VWA8: variants seen among roughly 807,000 people sequenced by gnomAD.
VWA8 encodes the protein von Willebrand factor A domain containing 8.
VWA8 carries 221 observed loss-of-function variants against 241.5 expected under a neutral mutation model. The observed-to-expected ratio is 0.91, with a 90% CI of 0.82 to 1.02. The LOEUF is 1.02. VWA8 is among the 50% of genes least tolerant of loss of function. VWA8 has a pLI of 0.00. For missense variants in VWA8, 2,322 were observed against 2,328.7 expected, an observed-to-expected ratio of 1.00 and a Z score of 0.06; for synonymous variants, 852 against 827.1, an observed-to-expected ratio of 1.03 and a Z score of -0.52.
At chr13:41,872,783 A>G (rs915772726) in intron 9 of VWA8, among the ~76,000 whole-genome samples, 4 of 152,134 alleles carry the variant, frequency 2.6e-5, no homozygotes, top group East Asian at 1.9e-4. Context: ...TTGACTTGGC[A>G]ATGTGGGCCC....
intron 17 of VWA8, among the ~76,000 whole-genome samples, chr13:41,794,806 T>A (rs1869617213): frequency 6.6e-6 from 1 of 152,070 alleles, no homozygotes; most frequent in Non-Finnish European, 1.5e-5. Flanking sequence ...TAACTAAAGA[T>A]GGATTAACAA....
chr13:41,846,624 C>A (rs1231372281), intron 12 of VWA8, among the ~76,000 whole-genome samples: 2 of 152,168 alleles, frequency 1.3e-5, no homozygotes, highest in African/African-American at 4.8e-5. Flanking sequence ...AGTGATATGA[C>A]AATGCTGCAC....
At chr13:41,663,386 A>G (rs116059428) in intron 37 of VWA8, among the ~76,000 whole-genome samples, 325 of 152,172 alleles carry the variant, frequency 2.1e-3, no homozygotes, top group African/African-American at 7.4e-3. Context: ...GTAATTTTTA[A>G]TTCTTATCAA....
chr13:41,783,317 A>C (rs1868977460), intron 19 of VWA8, among the ~76,000 whole-genome samples: 1 of 151,134 alleles, frequency 6.6e-6, no homozygotes, highest in Non-Finnish European at 1.5e-5. Flanking sequence ...CTTTGGAAAA[A>C]ATTTTCTGTT....
rs1385152344 is a variant in VWA8, at chr13:41,721,535, G to C, written c.2799C>G (p.Pro933=). Residue 933 remains proline, a synonymous_variant, in exon 25 of 45, where the codon CCC becomes CCG. Transcript: ENST00000379310. ...GTCTGAGCATCTCGAGCTCCGAGTG[G>C]GGTTTGGGGTTATCAACTGCATGGC... ...FSCHAVDNPK[P]HSELEMLRQY... is the part of the protein sequence containing the mutation. 1.2e-6 allele frequency: 2 copies of C among 1,613,688 alleles called. No homozygotes were observed. Among genetic ancestry groups the C allele is most frequent in the South Asian group, 2.2e-5 (2 of 91,074 alleles).
chr13:41,929,109 G>A (rs1593877247), intron 2 of VWA8, among the ~76,000 whole-genome samples: 1 of 146,540 alleles, frequency 6.8e-6, no homozygotes, highest in Non-Finnish European at 1.5e-5. Context: ...ACATTTCTGA[G>A]AAAGAAAAAC....
chr13:41,775,612 G>C (rs1328139199), intron 20 of VWA8, among the ~76,000 whole-genome samples: 1 of 152,106 alleles, frequency 6.6e-6, no homozygotes, highest in Non-Finnish European at 1.5e-5. Context: ...TCAGATGCTG[G>C]AGTCCAACCA....
chr13:41,868,270 T>C, intron 10 of VWA8, 76 bp downstream of exon 10: 2 of 1,548,630 alleles, frequency 1.3e-6, no homozygotes, highest in Non-Finnish European at 8.9e-7. Flanking sequence ...TACAAGGAGA[T>C]CATAAACCCA....
chr13:41,591,926 G>C lies in VWA8; in HGVS notation c.4987-1161C>G, dbSNP rs530776634. The stretch of plus-strand genomic sequence containing the variant: ...AGTGTGGCGATTCCTCAGGGATCTA[G>C]AACTAGAAATACCATTTGACCCAGC... On this transcript the variant is annotated intron_variant, in intron 40 of 44. Transcript: ENST00000379310. Among the ~76,000 whole-genome samples the C allele has an allele frequency of 1.2e-3, 172 of 139,626 alleles. 1 individual carries two copies. The East Asian group carries it at 0.029, about 24-fold the overall frequency. The allele number at this position is 139,626 out of a possible 152,430, so 91.6% of individuals were successfully genotyped here. A position where few individuals can be genotyped will look rare whatever the true frequency, so the allele number is the denominator to read the frequency against.
rs1869621833 is a variant in VWA8 at position 41,794,889 on chromosome 13, A to G, written c.2064-7346T>C. Among the ~76,000 whole-genome samples the G allele has an allele frequency of 2.6e-5, 4 of 152,308 alleles. No individual in the cohort carries two copies. The South Asian group carries it at 8.3e-4, about 32-fold the overall frequency. On this transcript the variant is annotated intron_variant, in intron 17 of 44. Coordinates refer to ENST00000379310, the MANE Select transcript of VWA8 (RefSeq NM_015058.2). Reference sequence around the variant, plus strand: ...GCAATACCATTCAGGACATAGGCACAGGCAAAGATTTCATGAGGAAAACCC... The same window carrying G: ...GCAATACCATTCAGGACATAGGCACGGGCAAAGATTTCATGAGGAAAACCC...
chr13:41,642,093 G>A (rs1228989346), intron 37 of VWA8, among the ~76,000 whole-genome samples: 1 of 152,138 alleles, frequency 6.6e-6, no homozygotes, highest in Non-Finnish European at 1.5e-5. Flanking sequence ...AACTGGACAT[G>A]TAGACATAAC....
intron 40 of VWA8, among the ~76,000 whole-genome samples, chr13:41,597,095 C>T (rs916326307): frequency 1.3e-5 from 2 of 151,970 alleles, no homozygotes; most frequent in African/African-American, 4.8e-5. Context: ...TTTATACATT[C>T]TACAGAATAA....
At chr13:41,649,632 T>C (rs1282829583) in intron 37 of VWA8, among the ~76,000 whole-genome samples, 5 of 148,316 alleles carry the variant, frequency 3.4e-5, no homozygotes, top group African/African-American at 1.3e-4. Context: ...CACAAGTTGA[T>C]TGTTTTTTCA....
intron 12 of VWA8, among the ~76,000 whole-genome samples, chr13:41,845,515 T>C (rs1872251838): frequency 1.3e-5 from 2 of 151,898 alleles, no homozygotes; most frequent in Non-Finnish European, 2.9e-5. Flanking sequence ...CACATGCACA[T>C]GTATGTTTAC....
intron 34 of VWA8, 48 bp downstream of exon 34, chr13:41,689,306 C>T (rs1228662642): frequency 4.5e-6 from 7 of 1,570,384 alleles, no homozygotes; most frequent in Admixed American, 1.8e-5. Flanking sequence ...ATAGGTCAAA[C>T]TAAGGGAAAG....
rs2045052465 is a variant in VWA8 at position 41,675,271 on chromosome 13, A to G, written c.4353T>C (p.Gly1451=). ...PKDVTPPQTS[G]YIEVTDLQSK... ...ATTGAAGATCAGTGACTTCTATATA[A>G]CCAGATGTTTGTGGAGGAGTAACAT... Residue 1451 remains glycine, a synonymous_variant, in exon 36 of 45, where the codon GGT becomes GGC. Coordinates refer to ENST00000379310, the MANE Select transcript of VWA8 (RefSeq NM_015058.2). 3 of 1,613,030 alleles carry G rather than the reference A, an allele frequency of 1.9e-6. No homozygotes were observed. Among genetic ancestry groups the G allele is most frequent in the East Asian group, 2.2e-5 (1 of 44,842 alleles).
intron 37 of VWA8, among the ~76,000 whole-genome samples, chr13:41,639,135 A>G (rs546826007): frequency 2.4e-4 from 37 of 151,458 alleles, no homozygotes; most frequent in Non-Finnish European, 5.3e-4. Context: ...AAAAAAAGTC[A>G]TTATGGAGAT....
chr13:41,653,830 T>C (rs1258097917), intron 37 of VWA8, among the ~76,000 whole-genome samples: 2 of 152,162 alleles, frequency 1.3e-5, no homozygotes, highest in South Asian at 2.1e-4. Flanking sequence ...ACTCAATAAG[T>C]GGTGCTGGGA....
intron 12 of VWA8, chr13:41,865,494 G>A: frequency 4.9e-6 from 2 of 406,200 alleles, no homozygotes; most frequent in South Asian, 2.8e-5. Context: ...CCAGGCCTCT[G>A]GAAAATAAAT....
Sources: allele counts gnomAD v4.1 joint callset (sites outside exome capture counted in the v4.1 genomes callset), GRCh38; gene constraint gnomAD v4.1.1; transcripts MANE v1.5; gene names NCBI Gene and HGNC (gene_info 2026-07-23, HGNC 2026-07-21).